Variants in PCDHA3 observed in about 807,000 individuals in gnomAD.
PCDHA3 encodes the protein protocadherin alpha 3.
In PCDHA3, 41 loss-of-function variants were observed where a neutral mutation model predicts 62.2. The ratio of observed to expected loss-of-function variants is 0.66; its 90% CI spans 0.51 to 0.86. The LOEUF is 0.86. Among genes scored for constraint, PCDHA3 ranks in the 40% least tolerant of loss-of-function variants. The pLI, the probability that PCDHA3 is intolerant of heterozygous loss-of-function variation, is 0.00. For missense variants in PCDHA3, 1,304 were observed against 1,241.2 expected, an observed-to-expected ratio of 1.05 and a Z score of -0.76; for synonymous variants, 640 against 555.4, an observed-to-expected ratio of 1.15 and a Z score of -2.14.
At position 140,843,576 on chromosome 5, in the gene PCDHA3, A is replaced by G; in HGVS notation, c.2394+39985A>G. The G allele has an allele frequency of 1.9e-6, 3 of 1,595,922 alleles. 1 individual carries two copies. Among genetic ancestry groups the G allele is most frequent in the Non-Finnish European group, 2.6e-6 (3 of 1,165,492 alleles). On this transcript the variant is annotated intron_variant, in intron 1 of 3. Coordinates refer to ENST00000522353, the MANE Select transcript of PCDHA3 (RefSeq NM_018906.3). Reference sequence around the variant, plus strand: ...GCGGTGGGGAGCTGGTCATACTCGCAACAACAGCCGCAGAGGGTGTGCTCT... The same window carrying G: ...GCGGTGGGGAGCTGGTCATACTCGCGACAACAGCCGCAGAGGGTGTGCTCT...
chr5:140,836,231 C>T, intron 1 of PCDHA3: 3 of 1,613,742 alleles, frequency 1.9e-6, no homozygotes, highest in East Asian at 2.2e-5. Flanking sequence ...CGGTGGCGGC[C>T]GGTGCGAGCA....
intron 3 of PCDHA3, among the ~76,000 whole-genome samples, chr5:140,999,340 C>T (rs903484891): frequency 2.6e-5 from 4 of 152,146 alleles, no homozygotes; most frequent in African/African-American, 4.8e-5. Flanking sequence ...ATTTATAAGC[C>T]TTGTCTCTTT....
At chr5:140,821,823 C>G (rs2150110880) in intron 1 of PCDHA3, 25 of 1,613,970 alleles carry the variant, frequency 1.5e-5, no homozygotes, top group African/African-American at 2.7e-5. Context: ...TCCTGCTGCT[C>G]TGGCTTCTCC....
intron 1 of PCDHA3, chr5:140,876,882 G>C: frequency 1.2e-6 from 2 of 1,614,140 alleles, no homozygotes; most frequent in Non-Finnish European, 1.7e-6. Context: ...ACAACCCGCC[G>C]GGCTGCCACA....
chr5:140,857,883 C>T (rs782327077), intron 1 of PCDHA3: 1 of 1,597,548 alleles, frequency 6.3e-7, no homozygotes, highest in Admixed American at 1.7e-5. Context: ...GAATTGCAGT[C>T]GGCGGCGGTT....
intron 1 of PCDHA3, chr5:140,860,707 T>G (rs914346962): frequency 6.6e-6 from 1 of 152,220 alleles, no homozygotes; most frequent in Non-Finnish European, 1.5e-5. Context: ...ATTGTTGTTC[T>G]CCATGAAAAG....
intron 1 of PCDHA3, chr5:140,816,072 A>G (rs1300909474): frequency 1.3e-5 from 2 of 152,144 alleles, no homozygotes; most frequent in African/African-American, 4.8e-5. Flanking sequence ...TTCAGATGTA[A>G]TTTTAAAAAA....
rs1171652738 is a variant in PCDHA3 at position 140,842,111 on chromosome 5, C to A, written c.2394+38520C>A. On this transcript the variant is annotated intron_variant, in intron 1 of 3. Transcript: ENST00000522353. ...AGACAACGGAACAACAGTTATCAAA[C>A]TGAATGCTTCTGATCCGGATGAAGG... is the stretch of plus-strand genomic sequence containing the variant. The A allele has an allele frequency of 3.1e-6, 5 of 1,613,758 alleles. No individual in the cohort carries two copies. In the Admixed American group the frequency reaches 8.3e-5, roughly 27 times the overall value.
chr5:140,841,711 G>T (rs1385576183), intron 1 of PCDHA3: 3 of 1,613,772 alleles, frequency 1.9e-6, no homozygotes, highest in South Asian at 1.1e-5. Context: ...ATGACAACCC[G>T]CCAGTGTTCC....
chr5:140,941,259 T>TTC (rs1340815463), intron 1 of PCDHA3, among the ~76,000 whole-genome samples: 28 of 121,830 alleles, frequency 2.3e-4, no homozygotes, highest in East Asian at 1.1e-3. Flanking sequence ...TTCTTTCTCT[T>TTC]TCTTTCTTTC....
rs2098417657 is a variant in PCDHA3, at chr5:141,010,566, C to T, written c.*629C>T. 3.4e-6 allele frequency: 1 copy of T among 290,180 alleles called. No individual in the cohort carries two copies. The highest frequency in any genetic ancestry group is 6.5e-6 in the Non-Finnish European group (1 of 154,226). The allele number at this position is 290,180 out of a possible 1,614,324, so 18.0% of individuals were successfully genotyped here. ...GACAAAACTACCCCCACTGACAAGG[C>T]TTTAGGAGACCCTAAAGTCTGTTGG... On this transcript the variant is annotated 3_prime_UTR_variant, in exon 4 of 4. Coordinates refer to ENST00000522353, the MANE Select transcript of PCDHA3 (RefSeq NM_018906.3).
chr5:140,979,094 T>G, intron 2 of PCDHA3, 87 bp downstream of exon 2: 3 of 1,551,990 alleles, frequency 1.9e-6, no homozygotes, highest in Non-Finnish European at 2.6e-6. Context: ...CAGAAGCAGC[T>G]GTCAAAACTA....
chr5:140,839,247 T>A (rs1421904889), intron 1 of PCDHA3, among the ~76,000 whole-genome samples: 1 of 152,090 alleles, frequency 6.6e-6, no homozygotes, highest in African/African-American at 2.4e-5. Flanking sequence ...GCTTTGCTTT[T>A]ATGCTTACAT....
chr5:140,836,424 C>T (rs2150260544), intron 1 of PCDHA3: 2 of 1,613,814 alleles, frequency 1.2e-6, no homozygotes, highest in Non-Finnish European at 1.7e-6. Flanking sequence ...GGCGTCGTCG[C>T]GGGCATCGTT....
intron 1 of PCDHA3, among the ~76,000 whole-genome samples, chr5:140,970,418 G>A (rs1377182658): frequency 6.6e-6 from 1 of 152,220 alleles, no homozygotes; most frequent in East Asian, 1.9e-4. Flanking sequence ...ACAGTAAGGT[G>A]TAGAGGCAGG....
At chr5:140,975,671 T>C (rs923429904) in intron 1 of PCDHA3, among the ~76,000 whole-genome samples, 2 of 152,248 alleles carry the variant, frequency 1.3e-5, no homozygotes, top group Admixed American at 6.5e-5. Context: ...TGTGAGTTTA[T>C]TAATAAAATA....
At chr5:140,948,136 T>C (rs2094216707) in intron 1 of PCDHA3, among the ~76,000 whole-genome samples, 1 of 151,776 alleles carries the variant, frequency 6.6e-6, no homozygotes, top group African/African-American at 2.4e-5. Flanking sequence ...ATTACACTAA[T>C]TGATTTTTGA....
rs782293908 is a variant in PCDHA3, at chr5:140,870,195, C to A, written c.2394+66604C>A. 3.1e-6 allele frequency: 5 copies of A among 1,614,178 alleles called. No individual in the cohort carries two copies. In the South Asian group the frequency reaches 5.5e-5, roughly 18 times the overall value. On this transcript the variant is annotated intron_variant, in intron 1 of 3. Transcript: ENST00000522353. ...TCCCAGTACGAGAGGACGCTCAGCC[C>A]AGCACGGTCATTGCCCTGATCAGCG...
intron 1 of PCDHA3, chr5:140,875,574 C>A (rs368911944): frequency 2.2e-5 from 35 of 1,613,978 alleles, no homozygotes; most frequent in East Asian, 6.7e-5. Context: ...TCCACTACTC[C>A]GTCTACGAGG....
Sources: allele counts gnomAD v4.1 joint callset (sites outside exome capture counted in the v4.1 genomes callset), GRCh38; gene constraint gnomAD v4.1.1; transcripts MANE v1.5; gene names NCBI Gene and HGNC (gene_info 2026-07-23, HGNC 2026-07-21).